MTHFD1: variants seen among roughly 807,000 people sequenced by gnomAD.
MTHFD1 encodes the protein methylenetetrahydrofolate dehydrogenase, cyclohydrolase and formyltetrahydrofolate synthetase 1, also known as C-1-tetrahydrofolate synthase, cytoplasmic.
In MTHFD1, 44 loss-of-function variants were observed where a neutral mutation model predicts 110.3. That is an observed-to-expected ratio of 0.40 (90% CI 0.31 to 0.51). The LOEUF is 0.51. Ranked by LOEUF, MTHFD1 falls within the 20% of genes least tolerant of loss-of-function variation. The pLI, the probability that MTHFD1 is intolerant of heterozygous loss-of-function variation, is 0.60. For synonymous variants in MTHFD1, 402 were observed against 428.8 expected (o/e 0.94, Z 0.77); for missense variants, 909 against 1,173.1 (o/e 0.77, Z 3.29).
At chr14:64,408,698 C>T (rs574122942) in intron 2 of MTHFD1, among the ~76,000 whole-genome samples, 1 of 152,338 alleles carries the variant, frequency 6.6e-6, no homozygotes, top group South Asian at 2.1e-4. Context: ...CTCACACCTA[C>T]CTAGCACTTT....
At chr14:64,395,863 C>T (rs2077844428) in intron 1 of MTHFD1, among the ~76,000 whole-genome samples, 1 of 152,142 alleles carries the variant, frequency 6.6e-6, no homozygotes, top group Non-Finnish European at 1.5e-5. Flanking sequence ...GTTATTGTGT[C>T]ATTGTGTGTG....
At chr14:64,388,566 T>C in intron 1 of MTHFD1, 98 bp downstream of exon 1, 1 of 1,109,834 alleles carries the variant, frequency 9.0e-7, no homozygotes, top group South Asian at 1.3e-5. Context: ...GGGACACTTG[T>C]AGCGGAAGAG....
chr14:64,390,909 A>T (rs2077799158), intron 1 of MTHFD1, among the ~76,000 whole-genome samples: 1 of 152,104 alleles, frequency 6.6e-6, no homozygotes, highest in Non-Finnish European at 1.5e-5. Context: ...TCGGCCTCCC[A>T]AAGTGCTGGG....
At chr14:64,397,175 AT>A in intron 1 of MTHFD1, among the ~76,000 whole-genome samples, 1 of 20,294 alleles carries the variant, frequency 4.9e-5, no homozygotes, top group Non-Finnish European at 8.7e-5. Flanking sequence ...ATATATATAT[AT>A]ATATATATAT....
chr14:64,444,512 G>C (rs146129755), intron 21 of MTHFD1, among the ~76,000 whole-genome samples, 181 bp from the exon 22 acceptor site: 35 of 152,166 alleles, frequency 2.3e-4, no homozygotes, highest in Middle Eastern at 3.4e-3. Flanking sequence ...CAAAGCAGTC[G>C]ATTTTGTTCT....
intron 12 of MTHFD1, among the ~76,000 whole-genome samples, chr14:64,429,261 A>AACATATATATATGTATATATATATAT (rs11158541): frequency 1.1e-4 from 12 of 108,214 alleles, no homozygotes; most frequent in Non-Finnish European, 2.2e-4. Context: ...TGTCTAAAAA[A>AACATATATATATGTATATATATATAT]ATATATATCT....
intron 16 of MTHFD1, among the ~76,000 whole-genome samples, chr14:64,438,001 G>A (rs1032095034): frequency 6.6e-6 from 1 of 152,142 alleles, no homozygotes; most frequent in Non-Finnish European, 1.5e-5. Context: ...AGCCTCCTGA[G>A]AAGCTGGGAT....
intron 22 of MTHFD1, among the ~76,000 whole-genome samples, chr14:64,446,851 G>A (rs2078293173): frequency 6.6e-6 from 1 of 151,730 alleles, no homozygotes; most frequent in Non-Finnish European, 1.5e-5. Context: ...CGGTTTTTGG[G>A]GTTTTTTTTA....
intron 2 of MTHFD1, 33 bp downstream of exon 2, chr14:64,400,910 C>T (rs765642240): frequency 4.1e-6 from 6 of 1,476,660 alleles, no homozygotes; most frequent in Non-Finnish European, 5.7e-6. Context: ...TTAATGTTGT[C>T]TTTGCTTGAT....
intron 2 of MTHFD1, among the ~76,000 whole-genome samples, chr14:64,405,694 C>T (rs1054481950): frequency 3.3e-5 from 5 of 152,172 alleles, no homozygotes; most frequent in Admixed American, 1.3e-4. Context: ...ACCCTGGGGC[C>T]ACTATAGTTA....
intron 17 of MTHFD1, 131 bp downstream of exon 17, chr14:64,439,303 A>G (rs1354226816): frequency 5.3e-6 from 4 of 748,820 alleles, no homozygotes; most frequent in African/African-American, 3.5e-5. Flanking sequence ...TTAAAATGGA[A>G]GTGAGTAGGT....
chr14:64,400,771 C>T, intron 1 of MTHFD1, 22 bp from the exon 2 acceptor site: 1 of 1,530,406 alleles, frequency 6.5e-7, no homozygotes, highest in Non-Finnish European at 9.1e-7. Context: ...AGTGTTAACC[C>T]CACCCTTTCC....
At chr14:64,412,621 A>AT in intron 4 of MTHFD1, 96 bp downstream of exon 4, 1 of 850,704 alleles carries the variant, frequency 1.2e-6, no homozygotes, top group Non-Finnish European at 2.0e-6. Context: ...ACATTTAGCC[A>AT]AGACCTCCAG....
chr14:64,439,181 T>G lies in MTHFD1; in HGVS notation c.1674+9T>G, dbSNP rs765839550. On this transcript the variant is annotated intron_variant, in intron 17 of 27. Transcript: ENST00000652337. The stretch of plus-strand genomic sequence containing the variant: ...AGGGTCACACACGGACGGTAACAAT[T>G]TGTCCCTTTCCAAGGAAATTAGTTC... 5.0e-6 allele frequency: 8 copies of G among 1,610,556 alleles called. No individual in the cohort carries two copies. The South Asian group carries it at 8.8e-5, about 18-fold the overall frequency.
chr14:64,431,885 T>A, intron 15 of MTHFD1, 24 bp downstream of exon 15: 1 of 1,597,246 alleles, frequency 6.3e-7, no homozygotes, highest in Non-Finnish European at 8.6e-7. Context: ...CTTCCACATT[T>A]TTTATATTGT....
At chr14:64,391,643 G>A (rs971392574) in intron 1 of MTHFD1, among the ~76,000 whole-genome samples, 1 of 152,186 alleles carries the variant, frequency 6.6e-6, no homozygotes, top group Non-Finnish European at 1.5e-5. Flanking sequence ...TACTCTGTGG[G>A]AAACTGGGTA....
intron 19 of MTHFD1, 98 bp from the exon 20 acceptor site, chr14:64,441,956 C>A: frequency 1.2e-6 from 1 of 817,468 alleles, no homozygotes; most frequent in African/African-American, 1.7e-5. Flanking sequence ...GGGAAGTATT[C>A]TTCCTTCCGA....
chr14:64,427,289 A>G lies in MTHFD1; in HGVS notation c.1128-48A>G, dbSNP rs757777652. On this transcript the variant is annotated intron_variant, in intron 11 of 27. Coordinates refer to ENST00000652337, the MANE Select transcript of MTHFD1 (RefSeq NM_005956.4). Reference sequence around the variant, plus strand: ...TGCTAGGTATGACTTAGTGATTCAGATACACTTAATTCTTTAAACCTTTTT... The same window carrying G: ...TGCTAGGTATGACTTAGTGATTCAGGTACACTTAATTCTTTAAACCTTTTT... The G allele has an allele frequency of 1.1e-5, 17 of 1,605,264 alleles. No homozygotes were observed. In the Admixed American group the frequency reaches 2.0e-4, roughly 19 times the overall value.
chr14:64,432,573 G>T (rs2078168480), intron 15 of MTHFD1, among the ~76,000 whole-genome samples: 1 of 152,206 alleles, frequency 6.6e-6, no homozygotes, highest in African/African-American at 2.4e-5. Flanking sequence ...ATGAATTTCA[G>T]TGGCATTATG....
Sources: gnomAD v4.1 joint callset for allele counts (sites outside exome capture counted in the v4.1 genomes callset) on GRCh38, gnomAD v4.1.1 for gene constraint, MANE v1.5 for transcripts, NCBI Gene and HGNC (gene_info 2026-07-23, HGNC 2026-07-21) for gene names.